Variants in HCRTR2 observed in about 807,000 individuals in gnomAD.
The protein encoded by HCRTR2 is hypocretin receptor 2.
Under a neutral mutation model 49.0 loss-of-function variants are expected in HCRTR2, and 22 were observed. That is an observed-to-expected ratio of 0.45 (90% CI 0.32 to 0.64). The LOEUF is 0.64. Ranked by LOEUF, HCRTR2 falls within the 30% of genes least tolerant of loss-of-function variation. The pLI, the probability that HCRTR2 is intolerant of heterozygous loss-of-function variation, is 0.04. For synonymous variants in HCRTR2, 236 were observed against 205.3 expected (o/e 1.15, Z -1.28); for missense variants, 491 against 559.4 (o/e 0.88, Z 1.23).
In HCRTR2 at chr6:55,243,337, G is replaced by A. The variant is rs554275009; in HGVS notation, c.224-5302G>A. Among the ~76,000 whole-genome samples, 5 of 152,152 alleles carry A rather than the reference G, an allele frequency of 3.3e-5. No homozygotes were observed. The South Asian group carries it at 8.3e-4, about 25-fold the overall frequency. On this transcript the variant is annotated intron_variant, in intron 1 of 6. Coordinates refer to ENST00000370862, the MANE Select transcript of HCRTR2 (RefSeq NM_001384272.1). ...CTAACCATAAATTGACTTTAATATT[G>A]GTGTTTAATGGTTATTCACAGAACT...
intron 1 of HCRTR2, among the ~76,000 whole-genome samples, chr6:55,161,438 G>C (rs1764804123): frequency 6.6e-6 from 1 of 151,620 alleles, no homozygotes; most frequent in Non-Finnish European, 1.5e-5. Flanking sequence ...AGAAGCAAAG[G>C]CAAACAAATT....
chr6:55,199,426 G>T (rs772311502), intron 1 of HCRTR2, among the ~76,000 whole-genome samples: 2 of 152,064 alleles, frequency 1.3e-5, no homozygotes, highest in Middle Eastern at 3.2e-3. Flanking sequence ...ATGCTTGCTA[G>T]AAAACAGCTG....
intron 3 of HCRTR2, among the ~76,000 whole-genome samples, chr6:55,259,187 T>C (rs191779681): frequency 4.0e-5 from 6 of 151,678 alleles, no homozygotes; most frequent in African/African-American, 1.5e-4. Flanking sequence ...CATCTCTCTT[T>C]TTGAATATTA....
chr6:55,145,102 T>C (rs1764560844), intron 1 of HCRTR2, among the ~76,000 whole-genome samples: 1 of 152,032 alleles, frequency 6.6e-6, no homozygotes, highest in South Asian at 2.1e-4. Flanking sequence ...TAGATTTTAC[T>C]TACCAAATTC....
intron 1 of HCRTR2, among the ~76,000 whole-genome samples, chr6:55,152,571 T>C (rs1221827052): frequency 6.6e-6 from 1 of 151,952 alleles, no homozygotes. Context: ...AAAACAGAAA[T>C]TTATTTGCCA....
intron 1 of HCRTR2, among the ~76,000 whole-genome samples, chr6:55,147,832 T>C (rs1764615568): frequency 6.6e-6 from 1 of 152,198 alleles, no homozygotes; most frequent in Non-Finnish European, 1.5e-5. Flanking sequence ...GGGAAAGATG[T>C]TTTAGTGAAA....
Position 55,280,312 on chromosome 6 carries a change from T to G in HCRTR2, c.984-11T>G. 6.4e-7 allele frequency: 1 copy of G among 1,558,546 alleles called. No individual in the cohort carries two copies. On this transcript the variant is annotated splice_polypyrimidine_tract_variant and intron_variant, in intron 5 of 6. Transcript: ENST00000370862. Reference sequence around the variant, plus strand: ...TTAAAAGACACTTTTCTGTTGTTTCTTTTCCTGCAGAGTATTTGGGATGTT... The same window carrying G: ...TTAAAAGACACTTTTCTGTTGTTTCGTTTCCTGCAGAGTATTTGGGATGTT...
At chr6:55,161,074 T>A (rs1190469762) in intron 1 of HCRTR2, among the ~76,000 whole-genome samples, 1 of 152,076 alleles carries the variant, frequency 6.6e-6, no homozygotes, top group Non-Finnish European at 1.5e-5. Context: ...ATTGACCACA[T>A]CATTGGAAGT....
Position 55,282,536 on chromosome 6 carries a change from G to T in HCRTR2, c.*82G>T. On this transcript the variant is annotated 3_prime_UTR_variant, in exon 7 of 7. Coordinates refer to ENST00000370862, the MANE Select transcript of HCRTR2 (RefSeq NM_001384272.1). ...GGGAACAGAAATTTTATTATCCTAT[G>T]ATGTGAAGCTAAAATTACTTGTGGA... 1.3e-6 allele frequency: 1 copy of T among 766,238 alleles called. No homozygotes were observed. The highest frequency in any genetic ancestry group is 1.5e-5 in the South Asian group (1 of 64,736). 47.5% of individuals were successfully genotyped at this position (766,238 alleles called of 1,614,324 possible).
chr6:55,208,313 G>A (rs565962006), intron 1 of HCRTR2, among the ~76,000 whole-genome samples: 34 of 118,172 alleles, frequency 2.9e-4, no homozygotes, highest in Admixed American at 8.9e-4. Context: ...CAGTCTCTAC[G>A]AAAAATAAAA....
chr6:55,280,509 TCTTCAA>T, intron 6 of HCRTR2, 65 bp downstream of exon 6: 1 of 1,600,644 alleles, frequency 6.2e-7, no homozygotes. Context: ...CAATGAACAC[TCTTCAA>T]CTATATGAGG....
chr6:55,264,769 G>C lies in HCRTR2; in HGVS notation c.762+947G>C, dbSNP rs185716675. On this transcript the variant is annotated intron_variant, in intron 4 of 6. Coordinates refer to ENST00000370862, the MANE Select transcript of HCRTR2 (RefSeq NM_001384272.1). The stretch of plus-strand genomic sequence containing the variant: ...CAATTCTTAGAGATGTATTTCTCTC[G>C]TTCTCTAAACTTACTGCCGATACTT... 5.3e-5 allele frequency among the ~76,000 whole-genome samples: 8 copies of C among 152,084 alleles called. No homozygotes were observed. The South Asian group carries it at 1.0e-3, about 20-fold the overall frequency.
At chr6:55,217,043 T>C (rs143369032) in intron 1 of HCRTR2, among the ~76,000 whole-genome samples, 2,109 of 152,182 alleles carry the variant, frequency 0.014, 28 homozygotes, top group Non-Finnish European at 0.021. Context: ...AAGCTACACT[T>C]GGAGCCTCTT....
intron 1 of HCRTR2, among the ~76,000 whole-genome samples, chr6:55,244,747 T>C (rs557362796): frequency 1.4e-4 from 21 of 152,100 alleles, no homozygotes; most frequent in African/African-American, 4.8e-4. Context: ...GAATAGTCCA[T>C]TTAAAGACAG....
At chr6:55,175,967 TATAAAAGAAGA>T (rs79082390) in intron 1 of HCRTR2, among the ~76,000 whole-genome samples, 6,285 of 152,142 alleles carry the variant, frequency 0.041, 234 homozygotes, top group African/African-American at 0.11. Context: ...GATTTTCATT[TATAAAAGAAGA>T]AGAAGGTGAG....
chr6:55,168,746 T>A lies in HCRTR2; in HGVS notation c.-377-5465T>A, dbSNP rs138653969. Among the ~76,000 whole-genome samples, 7 of 151,990 alleles carry A rather than the reference T, an allele frequency of 4.6e-5. No individual in the cohort carries two copies. In the East Asian group the frequency reaches 1.2e-3, roughly 25 times the overall value. ...ATGCCTGGGTAATTTTTTTTTTAAG[T>A]TTTTCATAGAAATAGTGTCTCACTA... On this transcript the variant is annotated intron_variant, in intron 1 of 7. Transcript: ENST00000615358.
chr6:55,284,081 G>A (rs967628990), downstream of HCRTR2, among the ~76,000 whole-genome samples: 4 of 152,128 alleles, frequency 2.6e-5, no homozygotes, highest in African/African-American at 9.7e-5. Flanking sequence ...TTCGGATCGT[G>A]ATGACAGCAC....
chr6:55,161,022 G>T (rs1764798318), intron 1 of HCRTR2, among the ~76,000 whole-genome samples: 1 of 152,068 alleles, frequency 6.6e-6, no homozygotes, highest in Admixed American at 6.5e-5. Context: ...CAAATAAATA[G>T]AATATACATT....
chr6:55,127,349 C>T (rs1027805718), intron 1 of HCRTR2, among the ~76,000 whole-genome samples: 7 of 152,058 alleles, frequency 4.6e-5, no homozygotes, highest in Middle Eastern at 3.2e-3. Context: ...CCTTGCACTT[C>T]CCAGGTAAGG....
Sources: allele counts gnomAD v4.1 joint callset (sites outside exome capture counted in the v4.1 genomes callset), GRCh38; gene constraint gnomAD v4.1.1; transcripts MANE v1.5; gene names NCBI Gene and HGNC (gene_info 2026-07-23, HGNC 2026-07-21).